Variants in NOC2L observed in about 807,000 individuals in gnomAD.
The protein encoded by NOC2L is nucleolar complex protein 2 homolog.
NOC2L carries 101 observed loss-of-function variants against 94.2 expected under a neutral mutation model. The observed-to-expected ratio is 1.07, with a 90% CI of 0.91 to 1.26. The LOEUF (loss-of-function observed/expected upper bound fraction) is 1.26. NOC2L is among the 50% of genes most tolerant of loss of function. The pLI, the probability that NOC2L is intolerant of heterozygous loss-of-function variation, is 0.00. For synonymous variants in NOC2L, 531 were observed against 413.4 expected (o/e 1.28, Z -3.45); for missense variants, 1,076 against 980.1 (o/e 1.10, Z -1.31).
Position 953,795 on chromosome 1 carries a change from C to G in NOC2L, c.875G>C (p.Arg292Pro). 6.2e-7 allele frequency: 1 copy of G among 1,611,578 alleles called. No homozygotes were observed. Among genetic ancestry groups the G allele is most frequent in the Non-Finnish European group, 8.5e-7 (1 of 1,179,110 alleles). ...TGGGCCACGAACCTTGAGCAGCATG[C>G]GGCACTGCTTGGGGAAGGTCAGGAA... ...PCFLTFPKQC[R>P]MLLKRMVIVW... The change falls in exon 8 of 19, where the codon CGC (arginine) becomes CCC (proline). Residue 292 changes from arginine to proline, a missense_variant. By Grantham distance (103) the Arg-to-Pro change is moderately radical. This residue lies in a region of NOC2L where 457 missense variants were observed against 386.0 expected (regional missense o/e 1.18). Coordinates refer to ENST00000327044, the MANE Select transcript of NOC2L (RefSeq NM_015658.4).
intron 10 of NOC2L, 55 bp downstream of exon 10, chr1:952,357 C>T: frequency 6.3e-7 from 1 of 1,592,316 alleles, no homozygotes; most frequent in Non-Finnish European, 8.6e-7. Context: ...GGGTCGGGCA[C>T]CTGGGCTGCC....
At position 944,204 on chromosome 1, in the gene NOC2L, C is replaced by A; in HGVS notation, c.*490G>T. 6.7e-7 allele frequency: 1 copy of A among 1,497,644 alleles called. No homozygotes were observed. The highest frequency in any genetic ancestry group is 1.4e-5 in the South Asian group (1 of 70,364). 92.8% of individuals were successfully genotyped at this position (1,497,644 alleles called of 1,614,324 possible). On this transcript the variant is annotated 3_prime_UTR_variant, in exon 19 of 19. Transcript: ENST00000327044. ...ACACAAATCTCCAGGAGCCACCACT[C>A]AACACAATGGCCCTGCCTCCCACCG... is the stretch of plus-strand genomic sequence containing the variant.
chr1:956,287 C>T, intron 4 of NOC2L, 72 bp from the exon 5 acceptor site: 1 of 1,572,144 alleles, frequency 6.4e-7, no homozygotes, highest in Admixed American at 1.7e-5. Context: ...ACGGCAGCCC[C>T]AGAGAAAGGC....
chr1:954,130 C>G, intron 6 of NOC2L, 48 bp from the exon 7 acceptor site: 2 of 1,578,074 alleles, frequency 1.3e-6, no homozygotes, highest in South Asian at 1.1e-5. Flanking sequence ...ACGGCTCGGA[C>G]GCGAGGCTGC....
intron 4 of NOC2L, 146 bp downstream of exon 4, chr1:956,748 G>A: frequency 8.5e-7 from 1 of 1,181,016 alleles, no homozygotes; most frequent in Non-Finnish European, 1.2e-6. Context: ...CCTCCCACCA[G>A]CACAGCCTCA....
chr1:956,410 C>T (rs1003739294), intron 4 of NOC2L, among the ~76,000 whole-genome samples, 195 bp from the exon 5 acceptor site: 1 of 152,190 alleles, frequency 6.6e-6, no homozygotes, highest in Non-Finnish European at 1.5e-5. Context: ...AGGAGGGAGT[C>T]TGGCTCAGGA....
At position 955,669 on chromosome 1, in the gene NOC2L, C is replaced by T. The variant is rs117770195; in HGVS notation, c.698+254G>A. 2.2e-3 allele frequency among the ~76,000 whole-genome samples: 333 copies of T among 152,346 alleles called. 4 individuals are homozygous for T. Among genetic ancestry groups the T allele is most frequent in the East Asian group, 0.016 (82 of 5,190 alleles). On this transcript the variant is annotated intron_variant, in intron 6 of 18. Transcript: ENST00000327044. ...AAATCTGAGAGCAAAGGCAGCTGCACACGCCACACCTTCTGAGACTCTGAG... is the reference window on the plus strand; with the variant it reads ...AAATCTGAGAGCAAAGGCAGCTGCATACGCCACACCTTCTGAGACTCTGAG...
chr1:955,965 A>T lies in NOC2L; in HGVS notation c.656T>A (p.Leu219His). 6.2e-7 allele frequency: 1 copy of T among 1,607,776 alleles called. No homozygotes were observed. The highest frequency in any genetic ancestry group is 1.7e-5 in the Admixed American group (1 of 59,722). ...CACCTTTCCAAACAGCAGCTTCTGGAGACAGCCAATGAGGTCTCTGATGCA... is the reference window on the plus strand; with the variant it reads ...CACCTTTCCAAACAGCAGCTTCTGGTGACAGCCAATGAGGTCTCTGATGCA... ...TFCIRDLIGC[L>H]QKLLFGKVAK... The change falls in exon 6 of 19, where the codon CTC becomes CAC. Residue 219 changes from leucine (L) to histidine (H), a missense_variant. Around this residue, in one of 3 missense-constraint regions of NOC2L, gnomAD observed 457 missense variants for 386.0 expected, o/e 1.18. Transcript: ENST00000327044.
intron 12 of NOC2L, among the ~76,000 whole-genome samples, 183 bp from the exon 13 acceptor site, chr1:948,786 G>A (rs1288053717): frequency 3.3e-5 from 5 of 150,996 alleles, no homozygotes; most frequent in African/African-American, 7.3e-5. Context: ...AGCTAGGCAC[G>A]GTCCCAGCCC....
chr1:957,567 G>A, intron 2 of NOC2L: 1 of 386,470 alleles, frequency 2.6e-6, no homozygotes, highest in Non-Finnish European at 4.8e-6. Flanking sequence ...CCTGTGCCCT[G>A]CGCTACTTTT....
chr1:954,802 A>G (rs1205727399), intron 6 of NOC2L, among the ~76,000 whole-genome samples: 1 of 151,976 alleles, frequency 6.6e-6, no homozygotes. Context: ...AGCCTGGGCG[A>G]CAGAGCAAGA....
intron 18 of NOC2L, 110 bp from the exon 19 acceptor site, chr1:944,910 C>G (rs912570772): frequency 7.1e-7 from 1 of 1,401,280 alleles, no homozygotes; most frequent in Non-Finnish European, 9.8e-7. Flanking sequence ...ATCCCTGTTG[C>G]TGGCTGCCAG....
intron 2 of NOC2L, chr1:958,034 C>T (rs1336904737): frequency 1.3e-5 from 2 of 150,992 alleles, no homozygotes; most frequent in Non-Finnish European, 2.9e-5. Flanking sequence ...TTTATTCAGA[C>T]GTCATCTTCT....
At chr1:958,781 G>C (rs1161493616) in intron 2 of NOC2L, 148 bp downstream of exon 2, 1 of 811,630 alleles carries the variant, frequency 1.2e-6, no homozygotes, top group South Asian at 1.4e-5. Context: ...GTAAACATCG[G>C]ATGAAAGAGT....
At position 957,195 on chromosome 1, in the gene NOC2L, G is replaced by A. The variant is rs921490884; in HGVS notation, c.258C>T (p.Phe86=). The A allele has an allele frequency of 1.9e-6, 3 of 1,613,874 alleles. No individual in the cohort carries two copies. Among genetic ancestry groups the A allele is most frequent in the Admixed American group, 1.7e-5 (1 of 60,006 alleles). Residue 86 remains phenylalanine, a synonymous_variant, in exon 3 of 19, where the codon TTC becomes TTT. Transcript: ENST00000327044. The stretch of plus-strand genomic sequence containing the variant: ...GCAGGCTCTGGTCATTCTCCTGCAG[G>A]AACTTGTAGAACTCGGGGTCTCTGT... ...LKDRDPEFYK[F]LQENDQSLLN... is the part of the protein sequence containing the mutation.
rs1234920371 is a variant in NOC2L at position 952,482 on chromosome 1, T to G, written c.1121A>C (p.Tyr374Ser). 2 of 1,613,726 alleles carry G rather than the reference T, an allele frequency of 1.2e-6. No homozygotes were observed. Among genetic ancestry groups the G allele is most frequent in the South Asian group, 2.2e-5 (2 of 91,076 alleles). The change falls in exon 10 of 19, where the codon TAC (tyrosine) becomes TCC (serine). Residue 374 changes from tyrosine (Y) to serine (S), a missense_variant. Physicochemically the swap from Tyr to Ser is moderately radical, Grantham distance 144 (BLOSUM62 -2). This residue lies in a region of NOC2L where 615 missense variants were observed against 577.4 expected (regional missense o/e 1.07). Transcript: ENST00000327044. ...GCGGATGTAGAGGAAGGCGTGCTGG[T>G]AGGCCACACCCGGCTCCAGGGCCAG... is the stretch of plus-strand genomic sequence containing the variant. ...ELLALEPGVAYQHAFLYIRQL... is the reference protein window; with the variant it reads ...ELLALEPGVASQHAFLYIRQL...
rs1003985303 is a variant in NOC2L at position 951,169 on chromosome 1, C to T, written c.1401G>A (p.Gly467=). The T allele has an allele frequency of 3.1e-6, 5 of 1,596,122 alleles. No homozygotes were observed. Among genetic ancestry groups the T allele is most frequent in the Admixed American group, 1.7e-5 (1 of 57,794 alleles). Residue 467 remains glycine (G), a synonymous_variant, in exon 12 of 19, where the codon GGG becomes GGA. Transcript: ENST00000327044. ...GCACCGGGATGAAGGCCCCCGAGCT[C>T]CCCGAGAGCAGCGTCAGGGCACGGA... The part of the protein sequence containing the change: ...HCIRALTLLS[G]SSGAFIPVLP...
chr1:958,624 C>G, intron 2 of NOC2L: 1 of 592,472 alleles, frequency 1.7e-6, no homozygotes, highest in Non-Finnish European at 3.2e-6. Context: ...CTTTCCCTCC[C>G]CAGCACTTAT....
intron 16 of NOC2L, 104 bp downstream of exon 16, chr1:946,069 C>T: frequency 1.1e-6 from 1 of 880,408 alleles, no homozygotes; most frequent in Non-Finnish European, 1.8e-6. Flanking sequence ...CCCTGGCCGC[C>T]TGGCACTGTT....
Sources: allele counts gnomAD v4.1 joint callset (sites outside exome capture counted in the v4.1 genomes callset), GRCh38; gene constraint gnomAD v4.1.1; regional missense constraint gnomAD v4.1.1; transcripts MANE v1.5; gene names NCBI Gene and HGNC (gene_info 2026-07-23, HGNC 2026-07-21).